The following ZNF469 variants were observed in gnomAD, a reference collection of about 807,000 sequenced individuals.
The protein encoded by ZNF469 is zinc finger protein 469.
In ZNF469, 1 loss-of-function variant was observed where a neutral mutation model predicts 1.0. That is an observed-to-expected ratio of 1.00 (90% CI 0.35 to 4.73). The LOEUF (loss-of-function observed/expected upper bound fraction) is 4.73, where lower values mean the gene tolerates loss of function less well. Ranked by LOEUF, ZNF469 falls within the 30% of genes most tolerant of loss-of-function variation. The pLI is 0.16. For missense variants in ZNF469, 6,100 were observed against 5,356.3 expected, an observed-to-expected ratio of 1.14 and a Z score of -4.33; for synonymous variants, 2,703 against 2,363.4, an observed-to-expected ratio of 1.14 and a Z score of -4.17.
chr16:88,146,295 C>T, the ZNF469 span, among the ~76,000 whole-genome samples: 12 of 152,202 alleles, frequency 7.9e-5, no homozygotes, highest in South Asian at 2.1e-4. Flanking sequence ...TGCGGGCCAC[C>T]GTAGCACATC....
chr16:88,182,045 A>C, the ZNF469 span, among the ~76,000 whole-genome samples: 1 of 152,374 alleles, frequency 6.6e-6, no homozygotes, highest in Non-Finnish European at 1.5e-5. Flanking sequence ...GCTGGACATA[A>C]GGTTAATGTA....
At chr16:88,186,030 C>G in the ZNF469 span, among the ~76,000 whole-genome samples, 1 of 152,250 alleles carries the variant, frequency 6.6e-6, no homozygotes, top group East Asian at 1.9e-4. Flanking sequence ...CTCCCTCTCA[C>G]AGGCCTTGTC....
chr16:88,183,084 A>C, the ZNF469 span, among the ~76,000 whole-genome samples: 1 of 152,264 alleles, frequency 6.6e-6, no homozygotes, highest in Non-Finnish European at 1.5e-5. Flanking sequence ...AAAAGATTGG[A>C]AATAACCCAT....
the ZNF469 span, among the ~76,000 whole-genome samples, chr16:88,349,614 C>A: frequency 2.8e-5 from 4 of 145,376 alleles, no homozygotes; most frequent in Non-Finnish European, 4.5e-5. Flanking sequence ...ACACACACAC[C>A]CAGCACAATA....
At chr16:88,422,181 T>C (rs1299255939) in intron 1 of ZNF469, among the ~76,000 whole-genome samples, 1 of 135,122 alleles carries the variant, frequency 7.4e-6, no homozygotes, top group Non-Finnish European at 1.6e-5. Context: ...GGCAGGAGGA[T>C]GGGGGGACGG....
At chr16:88,249,318 C>T in the ZNF469 span, among the ~76,000 whole-genome samples, 32 of 151,972 alleles carry the variant, frequency 2.1e-4, no homozygotes, top group African/African-American at 7.5e-4. Context: ...GTCTCGAACT[C>T]CTGGGCTCAA....
chr16:88,367,782 T>C, the ZNF469 span, among the ~76,000 whole-genome samples: 1 of 152,288 alleles, frequency 6.6e-6, no homozygotes, highest in African/African-American at 2.4e-5. Flanking sequence ...CCCGGGCTCA[T>C]GGCCCCATCT....
At chr16:88,357,910 A>G in the ZNF469 span, among the ~76,000 whole-genome samples, 5 of 152,232 alleles carry the variant, frequency 3.3e-5, no homozygotes, top group Non-Finnish European at 7.3e-5. Flanking sequence ...GGAAACAAGA[A>G]GCGCCTCTTC....
chr16:88,143,618 A>G, the ZNF469 span, among the ~76,000 whole-genome samples: 1 of 152,214 alleles, frequency 6.6e-6, no homozygotes, highest in Non-Finnish European at 1.5e-5. Flanking sequence ...CAGGGCTGAC[A>G]TGTGTCAGAC....
chr16:88,437,564 ACCTGTGCCC>A lies in ZNF469; in HGVS notation c.10097_10105del (p.Leu3366_Pro3368del), dbSNP rs889683822. 7.2e-6 allele frequency: 11 copies of A among 1,537,428 alleles called. No homozygotes were observed. The highest frequency in any genetic ancestry group is 4.1e-5 in the African/African-American group (3 of 72,540). Reference sequence around the variant, plus strand: ...GCGGTGCACAGCCCGCAGCGCGTCTACCTGTGCCCCCGGTGCCCCCGGGTCTACCCCGAG... The same window carrying A: ...GCGGTGCACAGCCCGCAGCGCGTCTACCGGTGCCCCCGGGTCTACCCCGAG... On this transcript the variant is annotated inframe_deletion, in exon 3 of 3. Coordinates refer to ENST00000565624, the MANE Select transcript of ZNF469 (RefSeq NM_001367624.2).
chr16:88,265,741 G>A, the ZNF469 span, among the ~76,000 whole-genome samples: 1 of 152,218 alleles, frequency 6.6e-6, no homozygotes, highest in Non-Finnish European at 1.5e-5. Context: ...TGTGCCCTGC[G>A]AAACTCTGCA....
At chr16:88,379,345 T>A (rs373643784), upstream of ZNF469, among the ~76,000 whole-genome samples, 120 of 152,226 alleles carry the variant, frequency 7.9e-4, 1 homozygote, top group South Asian at 0.017. Flanking sequence ...CCGGGAGCCT[T>A]CCAGCTCTGC....
At chr16:88,129,705 A>C in the ZNF469 span, among the ~76,000 whole-genome samples, 2 of 152,202 alleles carry the variant, frequency 1.3e-5, no homozygotes, top group African/African-American at 4.8e-5. Context: ...ATACAAAAAA[A>C]TATAAAAAGC....
the ZNF469 span, among the ~76,000 whole-genome samples, chr16:88,300,099 C>G: frequency 6.6e-6 from 1 of 152,218 alleles, no homozygotes. Flanking sequence ...ACACCATTGT[C>G]CCTTGATTGC....
chr16:88,347,526 C>G, the ZNF469 span, among the ~76,000 whole-genome samples: 25 of 152,330 alleles, frequency 1.6e-4, no homozygotes, highest in Middle Eastern at 3.4e-3. Flanking sequence ...CCAGCCCCAC[C>G]ATCTTCACTT....
the ZNF469 span, among the ~76,000 whole-genome samples, chr16:88,186,882 AGAG>A: frequency 9.9e-5 from 15 of 152,206 alleles, no homozygotes; most frequent in East Asian, 2.9e-3. Flanking sequence ...CCTGAGCTGC[AGAG>A]GAGCTGGCTG....
chr16:88,357,781 C>T, the ZNF469 span, among the ~76,000 whole-genome samples: 1 of 152,260 alleles, frequency 6.6e-6, no homozygotes, highest in Non-Finnish European at 1.5e-5. Context: ...CAAAAATGTG[C>T]AGCATGCGCT....
At position 88,437,249 on chromosome 16, in the gene ZNF469, G is replaced by A. The variant is rs1173869465; in HGVS notation, c.9779G>A (p.Gly3260Glu). The part of the protein sequence containing the change: ...GSPGDPWGQE[G>E]EAKKDSPGER... ...CCGGGAGACCCGTGGGGGCAAGAGG[G>A]AGAAGCCAAGAAAGACAGCCCGGGC... The change falls in exon 3 of 3, where the codon GGA becomes GAA. Residue 3260 changes from glycine (G) to glutamate (E), a missense_variant. Coordinates refer to ENST00000565624, the MANE Select transcript of ZNF469 (RefSeq NM_001367624.2). The A allele has an allele frequency of 1.3e-6, 2 of 1,549,044 alleles. No homozygotes were observed. Among genetic ancestry groups the A allele is most frequent in the South Asian group, 2.4e-5 (2 of 84,000 alleles).
chr16:88,309,959 T>G, the ZNF469 span, among the ~76,000 whole-genome samples: 1 of 152,214 alleles, frequency 6.6e-6, no homozygotes, highest in Non-Finnish European at 1.5e-5. Context: ...CAGGGTAGCC[T>G]GGCTTTGAAG....
Sources: gnomAD v4.1 joint callset for allele counts (sites outside exome capture counted in the v4.1 genomes callset) on GRCh38, gnomAD v4.1.1 for gene constraint, MANE v1.5 for transcripts, NCBI Gene and HGNC (gene_info 2026-07-23, HGNC 2026-07-21) for gene names.